Variants in TENM3 observed in about 807,000 individuals in gnomAD.
TENM3 encodes the protein teneurin-3.
In TENM3, 63 loss-of-function variants were observed where a neutral mutation model predicts 255.1. The observed-to-expected ratio is 0.25, with a 90% CI of 0.20 to 0.30. The LOEUF is 0.30. Among genes scored for constraint, TENM3 ranks in the 10% least tolerant of loss-of-function variants. The pLI is 1.00. For missense variants in TENM3, 2,929 were observed against 3,461.1 expected (o/e 0.85, Z 3.86); for synonymous variants, 1,306 against 1,322.3 (o/e 0.99, Z 0.27).
intron 3 of TENM3, chr4:182,548,666 C>T (rs1741699210): frequency 6.6e-6 from 1 of 152,226 alleles, no homozygotes; most frequent in African/African-American, 2.4e-5. Flanking sequence ...ATCACCACTT[C>T]TCAGCCTTTT....
chr4:182,781,382 C>T (rs1167789659), intron 24 of TENM3, among the ~76,000 whole-genome samples: 1 of 146,814 alleles, frequency 6.8e-6, no homozygotes, highest in African/African-American at 2.5e-5. Flanking sequence ...TATATTGAAC[C>T]AGCCTTGCAT....
intron 3 of TENM3, among the ~76,000 whole-genome samples, chr4:182,586,358 A>C (rs1189008078): frequency 1.3e-5 from 2 of 152,206 alleles, no homozygotes; most frequent in Non-Finnish European, 2.9e-5. Flanking sequence ...GCATTGTCAT[A>C]TACGTGATCT....
chr4:182,066,766 C>A, the TENM3 span, among the ~76,000 whole-genome samples: 1 of 151,944 alleles, frequency 6.6e-6, no homozygotes, highest in African/African-American at 2.4e-5. Context: ...AAAAAATTAG[C>A]CGGGCGTGGT....
chr4:182,114,884 C>T, the TENM3 span, among the ~76,000 whole-genome samples: 1 of 151,994 alleles, frequency 6.6e-6, no homozygotes, highest in Non-Finnish European at 1.5e-5. Flanking sequence ...AATACATGAA[C>T]AAAATCCACA....
the TENM3 span, among the ~76,000 whole-genome samples, chr4:181,561,952 T>G: frequency 2.0e-5 from 3 of 152,278 alleles, no homozygotes; most frequent in Admixed American, 6.5e-5. Context: ...CCTTGCGAAT[T>G]GTGGGTGTTT....
the TENM3 span, among the ~76,000 whole-genome samples, chr4:181,666,862 A>G: frequency 6.6e-6 from 1 of 152,138 alleles, no homozygotes; most frequent in Non-Finnish European, 1.5e-5. Flanking sequence ...AGACATTCCC[A>G]TCGCTCTGCC....
At chr4:182,100,822 CATAT>C in the TENM3 span, among the ~76,000 whole-genome samples, 21 of 10,508 alleles carry the variant, frequency 2.0e-3, 3 homozygotes, top group Admixed American at 3.0e-3. Context: ...TATATATACA[CATAT>C]ATATATATAT....
the TENM3 span, among the ~76,000 whole-genome samples, chr4:181,840,904 G>A: frequency 3.3e-5 from 5 of 152,082 alleles, no homozygotes; most frequent in East Asian, 1.9e-4. Flanking sequence ...TCAGTCACCA[G>A]CCTGAGTATT....
At chr4:181,750,192 A>G in the TENM3 span, among the ~76,000 whole-genome samples, 1 of 152,180 alleles carries the variant, frequency 6.6e-6, no homozygotes, top group East Asian at 1.9e-4. Flanking sequence ...AGCTACTGGA[A>G]GGTGGCTTGA....
At chr4:181,649,393 G>A in the TENM3 span, among the ~76,000 whole-genome samples, 1 of 152,106 alleles carries the variant, frequency 6.6e-6, no homozygotes, top group African/African-American at 2.4e-5. Context: ...TTTGATGAAG[G>A]CTTCTTTCTT....
intron 1 of TENM3, among the ~76,000 whole-genome samples, chr4:182,297,085 A>G (rs1761541858): frequency 6.6e-6 from 1 of 152,194 alleles, no homozygotes; most frequent in Non-Finnish European, 1.5e-5. Context: ...AGTATTATTC[A>G]CCTCCTTATG....
At chr4:182,289,477 G>A (rs1306806007) in intron 1 of TENM3, among the ~76,000 whole-genome samples, 1 of 152,176 alleles carries the variant, frequency 6.6e-6, no homozygotes, top group Non-Finnish European at 1.5e-5. Context: ...ATGTATACTT[G>A]TCGCAGTTGT....
the TENM3 span, among the ~76,000 whole-genome samples, chr4:181,546,124 C>A: frequency 6.6e-6 from 1 of 152,180 alleles, no homozygotes; most frequent in Non-Finnish European, 1.5e-5. Flanking sequence ...GAGTGCAAAT[C>A]TATTTTTTTA....
the TENM3 span, among the ~76,000 whole-genome samples, chr4:182,111,528 G>T: frequency 2.0e-5 from 3 of 152,202 alleles, no homozygotes; most frequent in African/African-American, 7.2e-5. Context: ...CGGCGAAAGT[G>T]TTTATGGATG....
At chr4:182,439,959 C>A (rs1022965808) in intron 3 of TENM3, among the ~76,000 whole-genome samples, 2 of 152,150 alleles carry the variant, frequency 1.3e-5, no homozygotes, top group Admixed American at 1.3e-4. Context: ...TAAGCATCCA[C>A]CAAGATTCCA....
In TENM3 at chr4:182,730,969, T is replaced by C. The variant is rs1760648456; in HGVS notation, c.2797T>C (p.Trp933Arg). The C allele has an allele frequency of 6.2e-7, 1 of 1,613,890 alleles. No homozygotes were observed. Among genetic ancestry groups the C allele is most frequent in the East Asian group, 2.2e-5 (1 of 44,864 alleles). ...LTQYHTVWIP[W>R]NVFYVMDTLV... The stretch of plus-strand genomic sequence containing the variant: ...TCAGTATCATACTGTGTGGATTCCA[T>C]GGAATGTCTTTTATGTGATGGATAC... Residue 933 changes from tryptophan (W) to arginine (R), a missense_variant, in exon 16 of 28, where the codon TGG becomes CGG. Physicochemically the swap from Trp to Arg is moderately radical, Grantham distance 101. This residue lies in a region of TENM3 where 1,608 missense variants were observed against 1,884.4 expected (regional missense o/e 0.85). Coordinates refer to ENST00000511685, the MANE Select transcript of TENM3 (RefSeq NM_001080477.4).
chr4:182,014,746 C>G, the TENM3 span, among the ~76,000 whole-genome samples: 1 of 152,140 alleles, frequency 6.6e-6, no homozygotes. Flanking sequence ...CCTTAGGAAG[C>G]TGGTCCTAAT....
At chr4:181,630,126 G>C in the TENM3 span, among the ~76,000 whole-genome samples, 1 of 152,198 alleles carries the variant, frequency 6.6e-6, no homozygotes, top group Non-Finnish European at 1.5e-5. Flanking sequence ...CATTTGCATA[G>C]AGGTGTTTAT....
chr4:181,605,557 A>AGAAG, the TENM3 span, among the ~76,000 whole-genome samples: 1 of 28,752 alleles, frequency 3.5e-5, no homozygotes, highest in East Asian at 9.0e-4. Context: ...AAAGAAAGAA[A>AGAAG]GAAAGAAAGA....
Sources: allele counts gnomAD v4.1 joint callset (sites outside exome capture counted in the v4.1 genomes callset), GRCh38; gene constraint gnomAD v4.1.1; regional missense constraint gnomAD v4.1.1; transcripts MANE v1.5; gene names NCBI Gene and HGNC (gene_info 2026-07-23, HGNC 2026-07-21).